The following AK7 variants were observed in gnomAD, a reference collection of about 807,000 sequenced individuals.
AK7 encodes the protein ATP-AMP transphosphorylase 7.
In AK7, 78 loss-of-function variants were observed where a neutral mutation model predicts 96.6. The ratio of observed to expected loss-of-function variants is 0.81; its 90% CI spans 0.67 to 0.97. The LOEUF (loss-of-function observed/expected upper bound fraction) is 0.97, where lower values mean the gene tolerates loss of function less well. Ranked by LOEUF, AK7 falls within the 50% of genes least tolerant of loss-of-function variation. The pLI, the probability that AK7 is intolerant of heterozygous loss-of-function variation, is 0.00. For synonymous variants in AK7, 302 were observed against 317.2 expected (o/e 0.95, Z 0.51); for missense variants, 855 against 887.9 (o/e 0.96, Z 0.47).
chr14:96,448,947 C>G (rs1052759411), intron 8 of AK7, among the ~76,000 whole-genome samples: 23 of 151,438 alleles, frequency 1.5e-4, no homozygotes, highest in African/African-American at 5.6e-4. Context: ...CAGAGCAAGA[C>G]CCTGTCTCAA....
intron 8 of AK7, among the ~76,000 whole-genome samples, chr14:96,448,527 G>A (rs1023388932): frequency 3.3e-5 from 5 of 150,656 alleles, no homozygotes; most frequent in Non-Finnish European, 1.5e-5. Context: ...GTACTTGAGA[G>A]GCTAAGGTGC....
intron 7 of AK7, 51 bp from the exon 8 acceptor site, chr14:96,446,466 C>T (rs767163731): frequency 8.0e-6 from 12 of 1,503,972 alleles, no homozygotes; most frequent in South Asian, 1.1e-5. Flanking sequence ...TAGTTTACTG[C>T]ATCTCTTTCG....
chr14:96,420,096 C>T (rs988326325), intron 4 of AK7, among the ~76,000 whole-genome samples: 13 of 151,846 alleles, frequency 8.6e-5, no homozygotes, highest in Admixed American at 2.0e-4. Flanking sequence ...GAACTCCAGA[C>T]GTCAGGTAAT....
intron 15 of AK7, among the ~76,000 whole-genome samples, chr14:96,479,403 A>G (rs1343082042): frequency 1.4e-5 from 2 of 146,766 alleles, no homozygotes; most frequent in African/African-American, 5.2e-5. Flanking sequence ...TTTTTTTTTA[A>G]AGAAATGTGT....
intron 10 of AK7, among the ~76,000 whole-genome samples, chr14:96,455,755 G>A (rs1393815657): frequency 1.3e-5 from 2 of 152,128 alleles, no homozygotes; most frequent in Non-Finnish European, 2.9e-5. Context: ...AGCCCATGTA[G>A]TTGGTGCCTA....
At position 96,471,473 on chromosome 14, in the gene AK7, A is replaced by G. The variant is rs79427581; in HGVS notation, c.1358-5A>G. The G allele has an allele frequency of 2.9e-6, 4 of 1,391,398 alleles. No homozygotes were observed. The Admixed American group carries it at 6.6e-5, about 23-fold the overall frequency. The allele number at this position is 1,391,398 out of a possible 1,614,324, so 86.2% of individuals were successfully genotyped here. A position where few individuals can be genotyped will look rare whatever the true frequency, so the allele number is the denominator to read the frequency against. ...GTAATATATACATATATGTTTTTTT[A>G]TCAGGTCAACTAGACGATCAATATA... On this transcript the variant is annotated splice_polypyrimidine_tract_variant and splice_region_variant and intron_variant, in intron 12 of 17. Transcript: ENST00000267584.
At position 96,481,770 on chromosome 14, in the gene AK7, T is replaced by C. The variant is rs1895518115; in HGVS notation, c.1754-1229T>C. Among the ~76,000 whole-genome samples, 3 of 148,698 alleles carry C rather than the reference T, an allele frequency of 2.0e-5. No individual in the cohort carries two copies. In the Admixed American group the frequency reaches 2.0e-4, roughly 10 times the overall value. ...CCCAAGCTGGAGTACAGTAGCTCAA[T>C]CTCAACTCAATGCAACCTCTGCTTC... is the stretch of plus-strand genomic sequence containing the variant. On this transcript the variant is annotated intron_variant, in intron 15 of 17. Coordinates refer to ENST00000267584, the MANE Select transcript of AK7 (RefSeq NM_152327.5).
At position 96,441,970 on chromosome 14, in the gene AK7, G is replaced by T. The variant is rs557324402; in HGVS notation, c.691-760G>T. ...ACAAGGCAACAAAAGCAAGCCTGCT[G>T]GTGTCACATCACTGCTTAGAACCCT... On this transcript the variant is annotated intron_variant, in intron 6 of 17. Coordinates refer to ENST00000267584, the MANE Select transcript of AK7 (RefSeq NM_152327.5). Among the ~76,000 whole-genome samples, 3 of 152,186 alleles carry T rather than the reference G, an allele frequency of 2.0e-5. No homozygotes were observed. The East Asian group carries it at 5.8e-4, about 29-fold the overall frequency.
chr14:96,407,841 A>G (rs1890812965), intron 3 of AK7, among the ~76,000 whole-genome samples: 1 of 151,992 alleles, frequency 6.6e-6, no homozygotes, highest in South Asian at 2.1e-4. Flanking sequence ...TCGGCCTCCC[A>G]AAGTGCTGGG....
At chr14:96,404,137 C>T (rs1890568484) in intron 2 of AK7, among the ~76,000 whole-genome samples, 1 of 115,970 alleles carries the variant, frequency 8.6e-6, no homozygotes, top group Non-Finnish European at 1.7e-5. Context: ...CAGAGTGAAA[C>T]TGTGTCTCAA....
chr14:96,401,129 G>A (rs935474506), intron 2 of AK7, among the ~76,000 whole-genome samples: 2 of 152,078 alleles, frequency 1.3e-5, no homozygotes, highest in African/African-American at 4.8e-5. Flanking sequence ...CTACTCACCT[G>A]AATTTGATTC....
chr14:96,441,596 G>A (rs1215849230), intron 6 of AK7, among the ~76,000 whole-genome samples: 2 of 130,828 alleles, frequency 1.5e-5, no homozygotes, highest in African/African-American at 5.9e-5. Flanking sequence ...CTGAGATCCT[G>A]CCACTGCACT....
At chr14:96,487,383 CAA>C (rs150742803) in intron 17 of AK7, among the ~76,000 whole-genome samples, 12 of 46,738 alleles carry the variant, frequency 2.6e-4, no homozygotes, top group Admixed American at 1.2e-3. Flanking sequence ...GACTCCGTCT[CAA>C]AAAAAAAAAA....
chr14:96,444,477 C>A (rs1893122552), intron 7 of AK7, among the ~76,000 whole-genome samples: 1 of 152,028 alleles, frequency 6.6e-6, no homozygotes, highest in Non-Finnish European at 1.5e-5. Context: ...TTGTACTAGG[C>A]CCCAACAGAC....
chr14:96,460,427 G>A (rs1247935400), intron 12 of AK7, among the ~76,000 whole-genome samples: 3 of 152,176 alleles, frequency 2.0e-5, no homozygotes, highest in African/African-American at 7.2e-5. Flanking sequence ...ATCAAGGACA[G>A]GGGAGAAGGA....
chr14:96,411,731 C>A (rs779931079), intron 4 of AK7, among the ~76,000 whole-genome samples: 5 of 152,160 alleles, frequency 3.3e-5, no homozygotes, highest in Non-Finnish European at 5.9e-5. Context: ...TTACGCAAAA[C>A]AAACAAGTTT....
At chr14:96,434,390 T>G (rs971536692) in intron 5 of AK7, among the ~76,000 whole-genome samples, 11 of 151,586 alleles carry the variant, frequency 7.3e-5, no homozygotes. Context: ...TTCCCTTACA[T>G]CTCTCCAAAT....
chr14:96,444,296 G>A (rs1893114219), intron 7 of AK7, among the ~76,000 whole-genome samples: 1 of 151,978 alleles, frequency 6.6e-6, no homozygotes, highest in Non-Finnish European at 1.5e-5. Context: ...GACATTACTG[G>A]GTTTCAAAGA....
In AK7 at chr14:96,457,847, A is replaced by G. The variant is rs147541112; in HGVS notation, c.1228-236A>G. 3.1e-3 allele frequency among the ~76,000 whole-genome samples: 479 copies of G among 152,344 alleles called. 12 individuals carry two copies. The highest frequency in any genetic ancestry group is 0.028 in the Admixed American group (428 of 15,292). On this transcript the variant is annotated intron_variant, in intron 11 of 17. Transcript: ENST00000267584. ...ACATTAGAAAGATGTTGGCTCAAGC[A>G]GTTCTGGCATTAGCACAAAAATATA... is the stretch of plus-strand genomic sequence containing the variant.
Sources: allele counts gnomAD v4.1 joint callset (sites outside exome capture counted in the v4.1 genomes callset), GRCh38; gene constraint gnomAD v4.1.1; transcripts MANE v1.5; gene names NCBI Gene and HGNC (gene_info 2026-07-23, HGNC 2026-07-21).